THSD7B: variants seen among roughly 807,000 people sequenced by gnomAD.
THSD7B encodes thrombospondin type 1 domain containing 7B, also known as thrombospondin type-1 domain-containing protein 7B.
In THSD7B, 138 loss-of-function variants were observed where a neutral mutation model predicts 213.6. The ratio of observed to expected loss-of-function variants is 0.65; its 90% CI spans 0.56 to 0.74. THSD7B has a LOEUF of 0.74. THSD7B is among the 30% of genes least tolerant of loss of function. THSD7B has a pLI of 0.00. For missense variants in THSD7B, 1,931 were observed against 1,991.5 expected (o/e 0.97, Z 0.58); for synonymous variants, 742 against 687.0 (o/e 1.08, Z -1.25).
chr2:137,391,751 G>T (rs1287291147), intron 12 of THSD7B, among the ~76,000 whole-genome samples: 1 of 149,914 alleles, frequency 6.7e-6, no homozygotes, highest in Non-Finnish European at 1.5e-5. Context: ...ATTTAGTTCT[G>T]ATCTGATCTT....
chr2:137,229,182 C>T (rs1282879503), intron 7 of THSD7B, among the ~76,000 whole-genome samples: 1 of 152,184 alleles, frequency 6.6e-6, no homozygotes, highest in East Asian at 1.9e-4. Flanking sequence ...AAAACCCCTA[C>T]AAATATCTTG....
chr2:137,102,071 C>G (rs1232040574), intron 4 of THSD7B, among the ~76,000 whole-genome samples: 1 of 152,214 alleles, frequency 6.6e-6, no homozygotes, highest in Non-Finnish European at 1.5e-5. Flanking sequence ...CAAGTGGGTC[C>G]CTGACCCCCA....
chr2:136,969,489 C>T (rs1685370792), intron 2 of THSD7B, among the ~76,000 whole-genome samples: 1 of 152,182 alleles, frequency 6.6e-6, no homozygotes, highest in African/African-American at 2.4e-5. Flanking sequence ...CATCAAACAT[C>T]ATGTTGTAGA....
chr2:137,636,577 T>C (rs1339015458), intron 20 of THSD7B, among the ~76,000 whole-genome samples: 2 of 152,242 alleles, frequency 1.3e-5, no homozygotes, highest in Non-Finnish European at 2.9e-5. Context: ...CTCATTTAAA[T>C]ATTTTTTACT....
chr2:137,179,573 A>G (rs1341922992), intron 7 of THSD7B, among the ~76,000 whole-genome samples: 2 of 145,476 alleles, frequency 1.4e-5, no homozygotes, highest in Admixed American at 6.8e-5. Context: ...ATAGTGGGGA[A>G]AAAAAAAAAG....
chr2:137,404,460 T>TACACAC, intron 12 of THSD7B, among the ~76,000 whole-genome samples: 1 of 102,320 alleles, frequency 9.8e-6, no homozygotes, highest in South Asian at 3.4e-4. Context: ...TATATATATA[T>TACACAC]ATATATATAT....
At chr2:137,191,842 T>C (rs981948838) in intron 7 of THSD7B, among the ~76,000 whole-genome samples, 8 of 152,168 alleles carry the variant, frequency 5.3e-5, no homozygotes, top group African/African-American at 1.9e-4. Context: ...GGTGTGAGCA[T>C]TTTACCGATT....
chr2:137,208,928 A>G (rs893315598), intron 7 of THSD7B, among the ~76,000 whole-genome samples: 2 of 152,106 alleles, frequency 1.3e-5, no homozygotes, highest in Non-Finnish European at 2.9e-5. Context: ...CCTTCAGAAT[A>G]GTGGCTGGTT....
At chr2:137,597,604 T>A (rs1161653223) in intron 17 of THSD7B, among the ~76,000 whole-genome samples, 1 of 151,978 alleles carries the variant, frequency 6.6e-6, no homozygotes. Context: ...ATGGTCAAAC[T>A]ACGGAGAACA....
At chr2:137,053,991 T>C (rs192189329) in intron 2 of THSD7B, among the ~76,000 whole-genome samples, 1,802 of 152,278 alleles carry the variant, frequency 0.012, 22 homozygotes, top group Non-Finnish European at 0.019. Flanking sequence ...TGGTCTGACA[T>C]GATGGACAAT....
intron 15 of THSD7B, among the ~76,000 whole-genome samples, chr2:137,523,983 AT>A (rs938529776): frequency 1.3e-5 from 2 of 151,902 alleles, no homozygotes; most frequent in Admixed American, 6.6e-5. Flanking sequence ...AGTTTAATGG[AT>A]TTTTTTTCCA....
chr2:137,530,323 A>AT (rs746360215), intron 15 of THSD7B, among the ~76,000 whole-genome samples: 2 of 151,930 alleles, frequency 1.3e-5, no homozygotes, highest in Non-Finnish European at 2.9e-5. Flanking sequence ...CATTTATGAG[A>AT]TTTTCATGGG....
chr2:137,608,503 T>C (rs1031511649), intron 17 of THSD7B, among the ~76,000 whole-genome samples: 1 of 152,194 alleles, frequency 6.6e-6, no homozygotes, highest in African/African-American at 2.4e-5. Context: ...AAACTTGTTA[T>C]GTTGTTTGAT....
At chr2:137,256,668 A>G (rs571313767) in intron 10 of THSD7B, among the ~76,000 whole-genome samples, 1 of 152,332 alleles carries the variant, frequency 6.6e-6, no homozygotes, top group East Asian at 1.9e-4. Flanking sequence ...TTTAACCATG[A>G]GTGTGATAAA....
chr2:136,779,171 A>T (rs1421585433), intron 1 of THSD7B, among the ~76,000 whole-genome samples: 1 of 148,604 alleles, frequency 6.7e-6, no homozygotes, highest in Non-Finnish European at 1.5e-5. Context: ...CTTTTTGGGG[A>T]CACGTGTTAA....
chr2:136,929,343 G>T (rs1684592368), intron 2 of THSD7B, among the ~76,000 whole-genome samples: 1 of 152,096 alleles, frequency 6.6e-6, no homozygotes, highest in Non-Finnish European at 1.5e-5. Context: ...TTTCCTTCCT[G>T]TCCCCACTTG....
chr2:137,676,902 C>A lies in THSD7B; in HGVS notation c.*297C>A. 3.9e-6 allele frequency: 1 copy of A among 258,140 alleles called. No homozygotes were observed. Among genetic ancestry groups the A allele is most frequent in the Non-Finnish European group, 7.3e-6 (1 of 137,608 alleles). 16.0% of individuals were successfully genotyped at this position (258,140 alleles called of 1,614,324 possible). On this transcript the variant is annotated 3_prime_UTR_variant, in exon 28 of 28. Transcript: ENST00000409968. ...GGAGGAAGAAAACATGATGGAATTC[C>A]CACAGACTTGAGTAAACTTGATCTT...
chr2:137,272,014 T>C (rs189892312), intron 10 of THSD7B, among the ~76,000 whole-genome samples: 25 of 152,284 alleles, frequency 1.6e-4, no homozygotes, highest in African/African-American at 6.0e-4. Flanking sequence ...CAATTATATA[T>C]ATATGGTTAT....
chr2:137,481,270 C>T (rs963749252), intron 15 of THSD7B, among the ~76,000 whole-genome samples: 4 of 152,174 alleles, frequency 2.6e-5, no homozygotes, highest in African/African-American at 9.7e-5. Flanking sequence ...ACATGCAAAT[C>T]TTAGTTACAT....
Sources: gnomAD v4.1 joint callset for allele counts (sites outside exome capture counted in the v4.1 genomes callset) on GRCh38, gnomAD v4.1.1 for gene constraint, MANE v1.5 for transcripts, NCBI Gene and HGNC (gene_info 2026-07-23, HGNC 2026-07-21) for gene names.